FAM120B: variants seen among roughly 807,000 people sequenced by gnomAD.
The protein encoded by FAM120B is constitutive coactivator of peroxisome proliferator-activated receptor gamma.
FAM120B carries 83 observed loss-of-function variants against 96.3 expected under a neutral mutation model. That is an observed-to-expected ratio of 0.86 (90% CI 0.72 to 1.03). The LOEUF (loss-of-function observed/expected upper bound fraction) is 1.03, where lower values mean the gene tolerates loss of function less well. Ranked by LOEUF, FAM120B falls within the 50% of genes least tolerant of loss-of-function variation. The pLI, the probability that FAM120B is intolerant of heterozygous loss-of-function variation, is 0.00. For missense variants in FAM120B, 1,027 were observed against 1,121.2 expected, an observed-to-expected ratio of 0.92 and a Z score of 1.20; for synonymous variants, 407 against 402.7, an observed-to-expected ratio of 1.01 and a Z score of -0.13.
chr6:170,366,628 G>C (rs2115229633), intron 6 of FAM120B, among the ~76,000 whole-genome samples: 1 of 152,330 alleles, frequency 6.6e-6, no homozygotes. Flanking sequence ...GGGCCAGCAT[G>C]GTCTCTGGTG....
intron 1 of FAM120B, among the ~76,000 whole-genome samples, chr6:170,316,059 A>AAAAAAC (rs1491168018): frequency 4.7e-4 from 5 of 10,534 alleles, no homozygotes; most frequent in Non-Finnish European, 1.6e-3. Context: ...ACCCGGTCTC[A>AAAAAAC]AAAAAAAAAA....
chr6:170,371,816 A>G (rs1789213552), intron 6 of FAM120B, among the ~76,000 whole-genome samples: 1 of 152,208 alleles, frequency 6.6e-6, no homozygotes, highest in Non-Finnish European at 1.5e-5. Flanking sequence ...AGGAGGCTGC[A>G]GCTGCAAGTC....
rs550460041 is a variant in FAM120B, at chr6:170,366,303, G to C, written c.2283+7985G>C. On this transcript the variant is annotated intron_variant, in intron 6 of 10. Coordinates refer to ENST00000476287, the MANE Select transcript of FAM120B (RefSeq NM_032448.3). The stretch of plus-strand genomic sequence containing the variant: ...GAGCTGAGAGCTGGGACTCATGGGT[G>C]GGGGAAGCGGTTAGGTTCTGGCCAG... Among the ~76,000 whole-genome samples the C allele has an allele frequency of 4.7e-4, 71 of 152,322 alleles. No individual in the cohort carries two copies. In the South Asian group the frequency reaches 5.4e-3, roughly 12 times the overall value.
chr6:170,389,540 C>T (rs1336420448), intron 7 of FAM120B, among the ~76,000 whole-genome samples: 1 of 152,002 alleles, frequency 6.6e-6, no homozygotes, highest in African/African-American at 2.4e-5. Context: ...CACACACACA[C>T]GCACACATAT....
intron 5 of FAM120B, among the ~76,000 whole-genome samples, chr6:170,357,469 C>T (rs1788027145): frequency 6.6e-6 from 1 of 152,096 alleles, no homozygotes; most frequent in Non-Finnish European, 1.5e-5. Flanking sequence ...TTCCTCTGTC[C>T]CTCCTTCCTT....
intron 5 of FAM120B, among the ~76,000 whole-genome samples, chr6:170,355,680 A>G (rs913733575): frequency 3.3e-5 from 5 of 152,186 alleles, no homozygotes; most frequent in Non-Finnish European, 7.3e-5. Flanking sequence ...GTGTTTACCT[A>G]TGTAACAAGC....
chr6:170,389,187 A>C (rs1401153143), intron 7 of FAM120B, among the ~76,000 whole-genome samples: 1 of 152,206 alleles, frequency 6.6e-6, no homozygotes, highest in African/African-American at 2.4e-5. Context: ...ATAATGAGAT[A>C]TCTTGGGGCT....
chr6:170,325,183 A>G (rs1379614454), intron 3 of FAM120B, among the ~76,000 whole-genome samples: 2 of 152,234 alleles, frequency 1.3e-5, no homozygotes, highest in South Asian at 2.1e-4. Context: ...TTTTAAAAAC[A>G]TGGTAATACT....
intron 4 of FAM120B, among the ~76,000 whole-genome samples, chr6:170,346,894 C>T (rs935936476): frequency 2.0e-5 from 3 of 152,116 alleles, no homozygotes; most frequent in African/African-American, 7.2e-5. Flanking sequence ...GGACTCATCT[C>T]TATCTTAAGT....
intron 2 of FAM120B, among the ~76,000 whole-genome samples, chr6:170,319,501 C>G (rs985977561): frequency 2.2e-4 from 34 of 152,252 alleles, no homozygotes; most frequent in African/African-American, 7.9e-4. Flanking sequence ...AACCCTGTCT[C>G]TACTAAAAAT....
At chr6:170,329,356 G>T (rs1785839429) in intron 3 of FAM120B, among the ~76,000 whole-genome samples, 1 of 152,178 alleles carries the variant, frequency 6.6e-6, no homozygotes, top group South Asian at 2.1e-4. Context: ...TAACAATCTG[G>T]CACTGCCCAT....
intron 9 of FAM120B, 97 bp downstream of exon 9, chr6:170,395,676 G>T (rs982364082): frequency 9.8e-5 from 80 of 815,676 alleles, no homozygotes; most frequent in Non-Finnish European, 1.1e-4. Flanking sequence ...TTTCAGAAAG[G>T]TTGTATAGTT....
chr6:170,376,958 AG>A (rs66993648), intron 6 of FAM120B, among the ~76,000 whole-genome samples: 21,224 of 116,866 alleles, frequency 0.18, 2,161 homozygotes, highest in East Asian at 0.7. Flanking sequence ...GCACGAGCTC[AG>A]GGCTGCTCTG....
chr6:170,401,108 G>A (rs1046242831), intron 9 of FAM120B, among the ~76,000 whole-genome samples: 2 of 152,232 alleles, frequency 1.3e-5, no homozygotes, highest in African/African-American at 4.8e-5. Flanking sequence ...AGGCGGAATT[G>A]TAGCTAGTCA....
rs1036518488 is a variant in FAM120B at position 170,395,382 on chromosome 6, G to A, written c.2600-105G>A. ...ATGACCCTCCCTCTGATTTAAGTACGGGGATACTGCTGACCTGGTGCTGCC... is the reference window on the plus strand; with the variant it reads ...ATGACCCTCCCTCTGATTTAAGTACAGGGATACTGCTGACCTGGTGCTGCC... On this transcript the variant is annotated intron_variant, in intron 8 of 10. Coordinates refer to ENST00000476287, the MANE Select transcript of FAM120B (RefSeq NM_032448.3). 23 of 867,382 alleles carry A rather than the reference G, an allele frequency of 2.7e-5. 1 individual carries two copies. Among genetic ancestry groups the A allele is most frequent in the South Asian group, 2.2e-4 (15 of 68,230 alleles). The allele number at this position is 867,382 out of a possible 1,614,324, so 53.7% of individuals were successfully genotyped here. A position where few individuals can be genotyped will look rare whatever the true frequency, so the allele number is the denominator to read the frequency against.
At chr6:170,323,368 T>C in intron 3 of FAM120B, 109 bp downstream of exon 3, 1 of 903,148 alleles carries the variant, frequency 1.1e-6, no homozygotes, top group Non-Finnish European at 1.7e-6. Flanking sequence ...GACAATTAAA[T>C]GGGTTTTATA....
At chr6:170,336,381 G>A (rs1249740575) in intron 4 of FAM120B, among the ~76,000 whole-genome samples, 1 of 148,848 alleles carries the variant, frequency 6.7e-6, no homozygotes, top group African/African-American at 2.4e-5. Flanking sequence ...TATTTCTGAG[G>A]CCTTTGGTCT....
upstream of FAM120B, among the ~76,000 whole-genome samples, chr6:170,302,108 C>A (rs1368829761): frequency 6.6e-6 from 1 of 152,182 alleles, no homozygotes; most frequent in Non-Finnish European, 1.5e-5. Context: ...ATACCTGAGA[C>A]TGGGTGATTT....
chr6:170,400,827 A>G (rs1408487949), intron 9 of FAM120B, among the ~76,000 whole-genome samples: 1 of 152,194 alleles, frequency 6.6e-6, no homozygotes, highest in African/African-American at 2.4e-5. Flanking sequence ...CAAAGCCTGC[A>G]GGTGTGGCCT....
Sources: gnomAD v4.1 joint callset for allele counts (sites outside exome capture counted in the v4.1 genomes callset) on GRCh38, gnomAD v4.1.1 for gene constraint, MANE v1.5 for transcripts, NCBI Gene and HGNC (gene_info 2026-07-23, HGNC 2026-07-21) for gene names.